MSLN: variants seen among roughly 807,000 people sequenced by gnomAD.
The protein encoded by MSLN is mesothelin.
Under a neutral mutation model 72.6 loss-of-function variants are expected in MSLN, and 82 were observed. The observed-to-expected ratio is 1.13, with a 90% CI of 0.94 to 1.36. The LOEUF (loss-of-function observed/expected upper bound fraction) is 1.36, where lower values mean the gene tolerates loss of function less well. Among genes scored for constraint, MSLN ranks in the 40% most tolerant of loss-of-function variants. MSLN has a pLI of 0.00. For synonymous variants in MSLN, 456 were observed against 387.3 expected, an observed-to-expected ratio of 1.18 and a Z score of -2.08; for missense variants, 1,005 against 847.9, an observed-to-expected ratio of 1.19 and a Z score of -2.30.
rs934980440 is a variant in MSLN at position 767,361 on chromosome 16, T to C, written c.1502-15T>C. The C allele has an allele frequency of 6.2e-7, 1 of 1,608,616 alleles. No individual in the cohort carries two copies. The highest frequency in any genetic ancestry group is 1.3e-5 in the African/African-American group (1 of 74,284). On this transcript the variant is annotated splice_polypyrimidine_tract_variant and intron_variant, in intron 15 of 17. Transcript: ENST00000545450. ...GAGGTGAGGCCTCAGCTCGGGCCCC[T>C]CTCCCGGCGGGCAGGTGGGGCCCCC...
intron 15 of MSLN, 131 bp from the exon 16 acceptor site, chr16:767,245 C>A: frequency 2.7e-6 from 3 of 1,117,888 alleles, no homozygotes; most frequent in Non-Finnish European, 2.6e-6. Flanking sequence ...GGCGGCTAGG[C>A]AAACCCAGGC....
Position 766,682 on chromosome 16 carries a change from C to A in MSLN, c.1245C>A (p.Ile415=). 1.9e-6 allele frequency: 3 copies of A among 1,612,522 alleles called. No homozygotes were observed. The highest frequency in any genetic ancestry group is 2.5e-6 in the Non-Finnish European group (3 of 1,179,868). Residue 415 remains isoleucine (I), a synonymous_variant, in exon 14 of 18, where the codon ATC becomes ATA. Coordinates refer to ENST00000545450, the MANE Select transcript of MSLN (RefSeq NM_005823.6). ...HEMSPQVATL[I]DRFVKGRGQL... ...CCCTCCCACAGGTGGCCACCCTGAT[C>A]GACCGCTTTGTGAAGGGAAGGGGCC... is the stretch of plus-strand genomic sequence containing the variant.
intron 9 of MSLN, 56 bp downstream of exon 9, chr16:765,359 C>T (rs148238415): frequency 1.4e-5 from 20 of 1,477,994 alleles, no homozygotes; most frequent in East Asian, 7.3e-5. Context: ...GTATCAGCAG[C>T]GTGAGGACAC....
chr16:764,387 G>A (rs935173676), intron 6 of MSLN, among the ~76,000 whole-genome samples: 2 of 152,204 alleles, frequency 1.3e-5, no homozygotes, highest in Admixed American at 6.5e-5. Context: ...CTCCTGGAGC[G>A]CCGTGGGCAG....
chr16:765,776 G>T lies in MSLN; in HGVS notation c.881G>T (p.Arg294Leu). The change falls in exon 11 of 18, where the codon CGG (arginine) becomes CTG (leucine). Residue 294 changes from arginine (R) to leucine (L), a missense_variant. Arg to Leu is a moderately radical substitution (Grantham distance 102). Transcript: ENST00000545450. Reference protein sequence around the residue: ...PERTILRPRFRREVEKTACPS... With the variant: ...PERTILRPRFLREVEKTACPS... ...CGGACCATCCTCCGGCCGCGGTTCC[G>T]GCGGGAAGTGGAGAGTGAGTGCCGT... The T allele has an allele frequency of 6.3e-7, 1 of 1,599,114 alleles. No individual in the cohort carries two copies.
At chr16:763,751 G>A in intron 5 of MSLN, 60 bp downstream of exon 5, 1 of 612,208 alleles carries the variant, frequency 1.6e-6, no homozygotes, top group South Asian at 4.3e-5. Context: ...CGGGACTGAG[G>A]GTGGGCAGGG....
Position 764,140 on chromosome 16 carries a change from G to A in MSLN, c.297G>A (p.Glu99=). ...AGAAGAATGTCAAGCTCTCAACAGA[G>A]CAGGTCAGTCTCAGTTGGGCTGAGG... ...LAQKNVKLST[E]QLRCLAHRLS... is the part of the protein sequence containing the mutation. Residue 99 remains glutamate, a synonymous_variant, in exon 6 of 18, where the codon GAG becomes GAA. Transcript: ENST00000545450. The A allele has an allele frequency of 6.2e-7, 1 of 1,603,690 alleles. No individual in the cohort carries two copies. Among genetic ancestry groups the A allele is most frequent in the Non-Finnish European group, 8.5e-7 (1 of 1,179,440 alleles).
rs775852227 is a variant in MSLN at position 768,553 on chromosome 16, C to T, written c.1771C>T (p.Leu591Phe). The change falls in exon 17 of 18, where the codon CTC becomes TTC. Residue 591 changes from leucine to phenylalanine, a missense_variant. Physicochemically the swap from Leu to Phe is conservative, Grantham distance 22. Transcript: ENST00000545450. ...GIPNGYLVLDLSMQEALSGTP... is the reference protein window; with the variant it reads ...GIPNGYLVLDFSMQEALSGTP... ...CCCCAACGGCTACCTGGTCCTAGAC[C>T]TCAGCATGCAAGGTGGGCGGGGCGG... is the stretch of plus-strand genomic sequence containing the variant. The T allele has an allele frequency of 5.0e-6, 8 of 1,607,092 alleles. No individual in the cohort carries two copies. In the East Asian group the frequency reaches 1.6e-4, roughly 31 times the overall value.
In MSLN at chr16:763,083, G is replaced by A. The variant is rs2151613765; in HGVS notation, c.86-150G>A. 3.3e-5 allele frequency: 20 copies of A among 609,174 alleles called. No individual in the cohort carries two copies. The South Asian group carries it at 3.7e-4, about 11-fold the overall frequency. 37.7% of individuals were successfully genotyped at this position (609,174 alleles called of 1,614,324 possible). ...GTGCCTGGGGGACTGTGATGTCACGGGGTACATGGGCCTGAGCCACTGGCT... is the reference window on the plus strand; with the variant it reads ...GTGCCTGGGGGACTGTGATGTCACGAGGTACATGGGCCTGAGCCACTGGCT... On this transcript the variant is annotated intron_variant, in intron 3 of 17. Transcript: ENST00000545450.
In MSLN at chr16:766,815, G is replaced by A. The variant is rs370153847; in HGVS notation, c.1373+5G>A. 2 of 1,612,314 alleles carry A rather than the reference G, an allele frequency of 1.2e-6. No individual in the cohort carries two copies. Among genetic ancestry groups the A allele is most frequent in the African/African-American group, 2.7e-5 (2 of 74,918 alleles). On this transcript the variant is annotated splice_donor_5th_base_variant and intron_variant, in intron 14 of 17. Transcript: ENST00000545450. The stretch of plus-strand genomic sequence containing the variant: ...CGTGCCCCCCAGCAGCATCTGGTGA[G>A]TCCCCAGAACTCTGCCCGGCAAGGT...
chr16:767,008 C>T lies in MSLN; in HGVS notation c.1497C>T (p.Phe499=), dbSNP rs760155202. ...AATACTTCGTGAAGATCCAGTCCTT[C>T]CTGGGTGAGCCAGGGAGTCCCTGGC... The part of the protein sequence containing the change: ...GSEYFVKIQS[F]LGGAPTEDLK... Residue 499 remains phenylalanine, a synonymous_variant, in exon 15 of 18, where the codon TTC becomes TTT. Coordinates refer to ENST00000545450, the MANE Select transcript of MSLN (RefSeq NM_005823.6). 5 of 1,611,848 alleles carry T rather than the reference C, an allele frequency of 3.1e-6. No homozygotes were observed. The highest frequency in any genetic ancestry group is 1.7e-4 in the Middle Eastern group (1 of 6,038).
In MSLN at chr16:765,297, C is replaced by G. The variant is rs567484796; in HGVS notation, c.698C>G (p.Pro233Arg). The change falls in exon 9 of 18, where the codon CCC (proline) becomes CGC (arginine). Residue 233 changes from proline (P) to arginine (R), a missense_variant. Physicochemically the swap from Pro to Arg is moderately radical, Grantham distance 103. Transcript: ENST00000545450. Reference protein sequence around the residue: ...ARAALQGGGPPYGPPSTWSVS... With the variant: ...ARAALQGGGPRYGPPSTWSVS... ...GCGGCTCTGCAGGGCGGGGGACCCC[C>G]CTACGGGTAAGTGAAGGTGTCTGGA... 35 of 1,571,596 alleles carry G rather than the reference C, an allele frequency of 2.2e-5. No homozygotes were observed. The South Asian group carries it at 3.8e-4, about 17-fold the overall frequency.
At position 765,286 on chromosome 16, in the gene MSLN, C is replaced by CG; in HGVS notation, c.692dup (p.Pro232ThrfsTer54). ...AGGCAGCCAGGGCGGCTCTGCAGGG[C>CG]GGGGGACCCCCCTACGGGTAAGTGA... On this transcript the variant is annotated frameshift_variant, in exon 9 of 18. Coordinates refer to ENST00000545450, the MANE Select transcript of MSLN (RefSeq NM_005823.6). LOFTEE classifies it high-confidence loss of function. 1 of 1,579,100 alleles carries CG rather than the reference C, an allele frequency of 6.3e-7. No individual in the cohort carries two copies. Among genetic ancestry groups the CG allele is most frequent in the Non-Finnish European group, 8.6e-7 (1 of 1,169,176 alleles).
At position 767,012 on chromosome 16, in the gene MSLN, G is replaced by T; in HGVS notation, c.1501G>T (p.Gly501Cys). 6.2e-7 allele frequency: 1 copy of T among 1,605,516 alleles called. No homozygotes were observed. The highest frequency in any genetic ancestry group is 8.5e-7 in the Non-Finnish European group (1 of 1,178,254). Reference protein sequence around the residue: ...EYFVKIQSFLGGAPTEDLKAL... With the variant: ...EYFVKIQSFLCGAPTEDLKAL... ...CTTCGTGAAGATCCAGTCCTTCCTG[G>T]GTGAGCCAGGGAGTCCCTGGCCAGG... The change falls in exon 15 of 18, where the codon GGT (glycine) becomes TGT (cysteine). Residue 501 changes from glycine to cysteine, a missense_variant and splice_region_variant. Coordinates refer to ENST00000545450, the MANE Select transcript of MSLN (RefSeq NM_005823.6).
chr16:763,502 C>T (rs1399007971), intron 4 of MSLN, 140 bp from the exon 5 acceptor site: 3 of 921,026 alleles, frequency 3.3e-6, no homozygotes, highest in African/African-American at 1.7e-5. Context: ...GAGAAGCAGC[C>T]AAGCCCATGG....
chr16:768,568 G>T lies in MSLN; in HGVS notation c.1783+3G>T. ...GGTCCTAGACCTCAGCATGCAAGGT[G>T]GGCGGGGCGGCCAGGCCAGGGCTGG... On this transcript the variant is annotated splice_donor_region_variant and intron_variant, in intron 17 of 17. Coordinates refer to ENST00000545450, the MANE Select transcript of MSLN (RefSeq NM_005823.6). The T allele has an allele frequency of 6.2e-7, 1 of 1,607,320 alleles. No homozygotes were observed.
intron 16 of MSLN, 111 bp from the exon 17 acceptor site, chr16:768,268 T>A: frequency 8.9e-7 from 1 of 1,129,536 alleles, no homozygotes; most frequent in Non-Finnish European, 1.2e-6. Context: ...CTGGAGAGGC[T>A]GCGGTGGGCA....
chr16:763,812 A>G (rs1425745743), intron 5 of MSLN, 121 bp downstream of exon 5: 8 of 26,142 alleles, frequency 3.1e-4, no homozygotes, highest in Non-Finnish European at 4.5e-4. Context: ...TCCACCTCAG[A>G]TCTGACTGGG....
intron 5 of MSLN, 53 bp from the exon 6 acceptor site, chr16:763,969 TG>T: frequency 6.3e-7 from 1 of 1,585,836 alleles, no homozygotes; most frequent in African/African-American, 1.3e-5. Context: ...GAGCACTGGG[TG>T]GACATTGCAG....
Sources: gnomAD v4.1 joint callset for allele counts (sites outside exome capture counted in the v4.1 genomes callset) on GRCh38, gnomAD v4.1.1 for gene constraint, MANE v1.5 for transcripts, NCBI Gene and HGNC (gene_info 2026-07-23, HGNC 2026-07-21) for gene names.